Variants in PPP1R1C observed in about 807,000 individuals in gnomAD.
PPP1R1C encodes the protein protein phosphatase 1 regulatory inhibitor subunit 1C.
A neutral mutation model predicts 17.4 loss-of-function variants in PPP1R1C; 15 were observed. That is an observed-to-expected ratio of 0.86 (90% CI 0.58 to 1.33). The LOEUF (loss-of-function observed/expected upper bound fraction) is 1.33. Among genes scored for constraint, PPP1R1C ranks in the 40% most tolerant of loss-of-function variants. PPP1R1C has a pLI of 0.00. For missense variants in PPP1R1C, 143 were observed against 130.0 expected, an observed-to-expected ratio of 1.10 and a Z score of -0.48; for synonymous variants, 35 against 43.1, an observed-to-expected ratio of 0.81 and a Z score of 0.73.
chr2:182,088,182 G>T lies in PPP1R1C; in HGVS notation c.241+24391G>T, dbSNP rs561795412. On this transcript the variant is annotated intron_variant, in intron 4 of 4. Coordinates refer to ENST00000682840, the MANE Select transcript of PPP1R1C (RefSeq NM_001080545.3). ...AGACAGACACTGCATGGTATTTAAA[G>T]ATTTACGGGTAGATCTCTTAGGTAA... Among the ~76,000 whole-genome samples, 4 of 152,094 alleles carry T rather than the reference G, an allele frequency of 2.6e-5. No individual in the cohort carries two copies. The East Asian group carries it at 5.8e-4, about 22-fold the overall frequency.
intron 4 of PPP1R1C, among the ~76,000 whole-genome samples, chr2:182,092,279 G>A (rs1341624526): frequency 6.6e-6 from 1 of 152,152 alleles, no homozygotes; most frequent in Non-Finnish European, 1.5e-5. Context: ...TAACATCTGT[G>A]AGACCCATTC....
intron 4 of PPP1R1C, among the ~76,000 whole-genome samples, chr2:182,092,463 A>G (rs577692156): frequency 3.3e-5 from 5 of 152,274 alleles, no homozygotes; most frequent in Admixed American, 6.5e-5. Flanking sequence ...ATTTCTTCAC[A>G]TTTCAAAGCC....
At chr2:182,011,759 A>G (rs747414788) in intron 2 of PPP1R1C, among the ~76,000 whole-genome samples, 1 of 152,088 alleles carries the variant, frequency 6.6e-6, no homozygotes, top group South Asian at 2.1e-4. Flanking sequence ...ATTGCTATCA[A>G]CTTTCCTCTT....
intron 4 of PPP1R1C, among the ~76,000 whole-genome samples, chr2:182,095,241 G>A (rs1193298268): frequency 6.6e-6 from 1 of 152,140 alleles, no homozygotes; most frequent in Non-Finnish European, 1.5e-5. Flanking sequence ...AGAGGTTGCA[G>A]TGAGCTGAGA....
intron 1 of PPP1R1C, among the ~76,000 whole-genome samples, chr2:181,972,659 A>G (rs918059882): frequency 1.3e-5 from 2 of 152,168 alleles, no homozygotes; most frequent in African/African-American, 2.4e-5. Flanking sequence ...ACAAGTGACC[A>G]TATGTACAAA....
intron 1 of PPP1R1C, among the ~76,000 whole-genome samples, chr2:181,964,792 G>A (rs190633985): frequency 3.2e-4 from 48 of 152,162 alleles, no homozygotes; most frequent in African/African-American, 9.6e-4. Flanking sequence ...TACAACATCC[G>A]CCTCCCGGGT....
downstream of PPP1R1C, among the ~76,000 whole-genome samples, chr2:182,120,522 G>T (rs985584636): frequency 1.3e-5 from 2 of 152,074 alleles, no homozygotes; most frequent in African/African-American, 4.8e-5. Flanking sequence ...AAAACTTTCT[G>T]GAATTTCTAT....
chr2:181,979,233 T>C (rs1685150664), intron 2 of PPP1R1C, among the ~76,000 whole-genome samples: 1 of 152,220 alleles, frequency 6.6e-6, no homozygotes, highest in Non-Finnish European at 1.5e-5. Context: ...TACCATTTAG[T>C]GAGTGATATG....
downstream of PPP1R1C, among the ~76,000 whole-genome samples, chr2:182,120,601 T>C (rs1318474595): frequency 2.0e-5 from 3 of 152,236 alleles, no homozygotes; most frequent in African/African-American, 4.8e-5. Context: ...AAGGCCCTTA[T>C]TTATTTTAAG....
At position 181,961,196 on chromosome 2, in the gene PPP1R1C, C is replaced by T; in HGVS notation, n.111+6562C>T. 1 of 885,278 alleles carries T rather than the reference C, an allele frequency of 1.1e-6. No homozygotes were observed. The highest frequency in any genetic ancestry group is 1.9e-6 in the Non-Finnish European group (1 of 537,910). The allele number at this position is 885,278 out of a possible 1,614,324, so 54.8% of individuals were successfully genotyped here. On this transcript the variant is annotated intron_variant and non_coding_transcript_variant, in intron 1 of 5. Coordinates refer to the PPP1R1C transcript ENST00000464264. This position sits in a 1 kb window ranked among gnomAD's most constrained non-coding sequence, Gnocchi z 5.8. ...CTGCTCCCCAAAGGGTACCCTGCTT[C>T]TGCTGGCTTGATGTCTTAGAACTTT... is the stretch of plus-strand genomic sequence containing the variant.
At position 182,077,752 on chromosome 2, in the gene PPP1R1C, T is replaced by C. The variant is rs550282963; in HGVS notation, c.241+13961T>C. 2.1e-3 allele frequency among the ~76,000 whole-genome samples: 321 copies of C among 152,292 alleles called. 2 individuals carry two copies. The highest frequency in any genetic ancestry group is 7.1e-3 in the African/African-American group (297 of 41,550). ...GAGGGTTGACTCAGTATTTTCTTCA[T>C]TGGCAATGAAACAGAAGCACTTCAC... On this transcript the variant is annotated intron_variant, in intron 4 of 4. Transcript: ENST00000682840.
chr2:181,978,679 C>T (rs1248000994), intron 2 of PPP1R1C, among the ~76,000 whole-genome samples: 1 of 152,016 alleles, frequency 6.6e-6, no homozygotes, highest in Non-Finnish European at 1.5e-5. Context: ...TGAGCATGGC[C>T]TTTTATGAAC....
chr2:182,038,653 A>G (rs143417879), intron 2 of PPP1R1C, among the ~76,000 whole-genome samples: 1 of 152,268 alleles, frequency 6.6e-6, no homozygotes, highest in Non-Finnish European at 1.5e-5. Context: ...TCGACTGCAT[A>G]CAGAAGAAAG....
Position 182,066,980 on chromosome 2 carries a change from G to T in PPP1R1C, c.241+3189G>T, listed in dbSNP as rs964455596. ...TGTGTGTGTGTGTTTGTGTGTGTGT[G>T]TGTGTGTGTGTGTGTTTTACTGGAA... On this transcript the variant is annotated intron_variant, in intron 4 of 4. Transcript: ENST00000682840. 6.6e-5 allele frequency among the ~76,000 whole-genome samples: 10 copies of T among 151,836 alleles called. No homozygotes were observed. In the South Asian group the frequency reaches 1.0e-3, roughly 16 times the overall value.
chr2:182,117,003 C>T (rs909507616), intron 4 of PPP1R1C, among the ~76,000 whole-genome samples: 1 of 152,142 alleles, frequency 6.6e-6, no homozygotes, highest in Non-Finnish European at 1.5e-5. Context: ...GATAGCCTGC[C>T]TCTAATGGAA....
At chr2:181,959,934 A>G (rs1170581514) in intron 1 of PPP1R1C, among the ~76,000 whole-genome samples, 2 of 152,218 alleles carry the variant, frequency 1.3e-5, no homozygotes, top group Admixed American at 1.3e-4. Flanking sequence ...AAGCCATTGT[A>G]GGAGGCTCCA....
intron 2 of PPP1R1C, among the ~76,000 whole-genome samples, chr2:182,013,810 C>T (rs2125157626): frequency 6.6e-6 from 1 of 152,256 alleles, no homozygotes; most frequent in Admixed American, 6.5e-5. Flanking sequence ...ATCAGTTCTG[C>T]TATTAAGAGA....
intron 4 of PPP1R1C, among the ~76,000 whole-genome samples, chr2:182,093,857 C>T (rs1377323598): frequency 6.6e-6 from 1 of 152,206 alleles, no homozygotes; most frequent in East Asian, 1.9e-4. Flanking sequence ...TTCAACAAGC[C>T]TCTAGGAAGT....
chr2:182,130,057 T>C (rs1689971382), downstream of PPP1R1C: 1 of 152,172 alleles, frequency 6.6e-6, no homozygotes, highest in African/African-American at 2.4e-5. Context: ...AAAATAACCT[T>C]TATCATGTAA....
Sources: allele counts gnomAD v4.1 joint callset (sites outside exome capture counted in the v4.1 genomes callset), GRCh38; gene constraint gnomAD v4.1.1; non-coding constraint Gnocchi (gnomAD v3.1); transcripts MANE v1.5; gene names NCBI Gene and HGNC (gene_info 2026-07-23, HGNC 2026-07-21).